The following RAB37 variants were observed in gnomAD, a reference collection of about 807,000 sequenced individuals.
RAB37 encodes the protein RAB37, member RAS oncogene family.
A neutral mutation model predicts 33.1 loss-of-function variants in RAB37; 29 were observed. That is an observed-to-expected ratio of 0.88 (90% confidence interval 0.65 to 1.20). The LOEUF is 1.20. RAB37 is among the 50% of genes most tolerant of loss of function. The pLI, the probability that RAB37 is intolerant of heterozygous loss-of-function variation, is 0.00. For synonymous variants in RAB37, 128 were observed against 119.5 expected, an observed-to-expected ratio of 1.07 and a Z score of -0.47; for missense variants, 299 against 301.1, an observed-to-expected ratio of 0.99 and a Z score of 0.05.
rs2034531322 is a variant in RAB37 at position 74,738,404 on chromosome 17, G to T, written c.93+1039G>T. Among the ~76,000 whole-genome samples the T allele has an allele frequency of 6.6e-6, 1 of 152,194 alleles. No individual in the cohort carries two copies. On this transcript the variant is annotated intron_variant, in intron 1 of 8. Coordinates refer to ENST00000392613, the MANE Select transcript of RAB37 (RefSeq NM_001006638.3). The surrounding 1 kb of genome is among the most constrained non-coding windows in gnomAD (Gnocchi z 5.0). ...GGCTTGTGGCAGGAAATGGGCCCCT[G>T]CACCCTCGGAGAGGAGGAGCTGCTG...
At chr17:74,678,965 G>A (rs1480128324) in intron 1 of RAB37, among the ~76,000 whole-genome samples, 3 of 152,084 alleles carry the variant, frequency 2.0e-5, no homozygotes, top group Non-Finnish European at 2.9e-5. Context: ...ACAAAAATTA[G>A]CTGGGCGTGG....
At chr17:74,721,008 T>A (rs1457975335) in intron 1 of RAB37, among the ~76,000 whole-genome samples, 1 of 152,200 alleles carries the variant, frequency 6.6e-6, no homozygotes, top group Non-Finnish European at 1.5e-5. Context: ...TCTATCCGTA[T>A]GCTCCGATGC....
At chr17:74,695,772 G>T (rs2032397340) in intron 1 of RAB37, 4 of 1,614,096 alleles carry the variant, frequency 2.5e-6, no homozygotes, top group Non-Finnish European at 3.4e-6. Context: ...GCAGAGGAAA[G>T]CTTCGTGGTA....
At chr17:74,727,265 C>T (rs1307679403) in intron 1 of RAB37, among the ~76,000 whole-genome samples, 1 of 152,200 alleles carries the variant, frequency 6.6e-6, no homozygotes, top group Non-Finnish European at 1.5e-5. Flanking sequence ...TTGTGTTAGT[C>T]CCGGTCTTCC....
chr17:74,705,287 C>T, intron 1 of RAB37: 1 of 698,812 alleles, frequency 1.4e-6, no homozygotes, highest in East Asian at 2.7e-5. Context: ...TCCTGGTGGT[C>T]CTAATGATTT....
chr17:74,728,553 C>T (rs2034337354), intron 1 of RAB37, among the ~76,000 whole-genome samples: 1 of 150,678 alleles, frequency 6.6e-6, no homozygotes, highest in Non-Finnish European at 1.5e-5. Flanking sequence ...TGTGTGTGTG[C>T]CTATGTTTCT....
At chr17:74,732,291 C>T (rs2034394142), upstream of RAB37, among the ~76,000 whole-genome samples, 1 of 152,232 alleles carries the variant, frequency 6.6e-6, no homozygotes, top group South Asian at 2.1e-4. Context: ...CCCAGGGGGT[C>T]CATGCGCCAC....
At chr17:74,715,735 C>G (rs1299127746) in intron 1 of RAB37, among the ~76,000 whole-genome samples, 2 of 152,146 alleles carry the variant, frequency 1.3e-5, no homozygotes, top group Non-Finnish European at 2.9e-5. Context: ...GAAACAAGAA[C>G]AGAGAATTCA....
chr17:74,718,618 G>A (rs1275579615), intron 1 of RAB37, among the ~76,000 whole-genome samples: 2 of 152,112 alleles, frequency 1.3e-5, no homozygotes, highest in Non-Finnish European at 2.9e-5. Context: ...CTAAACTTGG[G>A]CATCCCCTTA....
chr17:74,671,762 C>T lies in RAB37; in HGVS notation c.72+104C>T, dbSNP rs2031711827. 4.1e-6 allele frequency: 4 copies of T among 976,270 alleles called. No homozygotes were observed. The highest frequency in any genetic ancestry group is 1.4e-5 in the South Asian group (1 of 73,610). The allele number at this position is 976,270 out of a possible 1,614,324, so 60.5% of individuals were successfully genotyped here. On this transcript the variant is annotated intron_variant, in intron 1 of 7. Coordinates refer to the RAB37 transcript ENST00000340415. This position sits in a 1 kb window ranked among gnomAD's most constrained non-coding sequence, Gnocchi z 5.0. ...GCTTTGGGACTTAATGAGAAACTAG[C>T]TTGTATCTGTGAGTCTGGGGAGCCC...
rs151283815 is a variant in RAB37 at position 74,713,827 on chromosome 17, C to G, written c.73-15429C>G. Among the ~76,000 whole-genome samples the G allele has an allele frequency of 3.1e-3, 407 of 132,586 alleles. 4 individuals carry two copies. Among genetic ancestry groups the G allele is most frequent in the African/African-American group, 0.011 (395 of 35,470 alleles). 87.0% of individuals were successfully genotyped at this position (132,586 alleles called of 152,430 possible). A position where few individuals can be genotyped will look rare whatever the true frequency, so the allele number is the denominator to read the frequency against. On this transcript the variant is annotated intron_variant, in intron 1 of 7. Transcript: ENST00000340415. ...CCTGTAATCTCAGCACTTTAGGAGG[C>G]TGAGGCAGGAAGATCACTTGAGGCC...
chr17:74,675,077 T>C (rs549226338), intron 1 of RAB37, among the ~76,000 whole-genome samples: 4 of 152,338 alleles, frequency 2.6e-5, no homozygotes, highest in Admixed American at 2.6e-4. Flanking sequence ...TGCCTTATTA[T>C]TTTTGAGCAA....
intron 1 of RAB37, among the ~76,000 whole-genome samples, chr17:74,702,195 G>A (rs1236922214): frequency 6.6e-6 from 1 of 152,110 alleles, no homozygotes; most frequent in Non-Finnish European, 1.5e-5. Flanking sequence ...TAAAAACAAA[G>A]TCAAGAGGGC....
chr17:74,743,393 A>C, intron 5 of RAB37, 53 bp downstream of exon 5: 2 of 1,590,902 alleles, frequency 1.3e-6, no homozygotes, highest in Non-Finnish European at 8.6e-7. Flanking sequence ...GGCAAGGTCT[A>C]TGCAGGCTGG....
rs764934628 is a variant in RAB37, at chr17:74,740,791, C to T, written c.117C>T (p.Gly39=). The T allele has an allele frequency of 6.8e-6, 11 of 1,613,902 alleles. No individual in the cohort carries two copies. The highest frequency in any genetic ancestry group is 2.7e-5 in the African/African-American group (2 of 74,924). ...TGKVMLLGDT[G]VGKTCFLIQF... Reference sequence around the variant, plus strand: ...AGGTGATGCTTCTGGGAGACACAGGCGTCGGCAAAACATGTTTCCTGATCC... The same window carrying T: ...AGGTGATGCTTCTGGGAGACACAGGTGTCGGCAAAACATGTTTCCTGATCC... The change falls in exon 2 of 9, where the codon GGC becomes GGT. Residue 39 remains glycine, a synonymous_variant. Coordinates refer to ENST00000392613, the MANE Select transcript of RAB37 (RefSeq NM_001006638.3).
intron 1 of RAB37, among the ~76,000 whole-genome samples, chr17:74,677,022 C>T (rs1486724586): frequency 6.6e-6 from 1 of 151,846 alleles, no homozygotes; most frequent in Admixed American, 6.6e-5. Flanking sequence ...TGGTGGTGCA[C>T]GCCTGAAATC....
chr17:74,727,852 G>C (rs2034324634), intron 1 of RAB37, among the ~76,000 whole-genome samples: 1 of 151,904 alleles, frequency 6.6e-6, no homozygotes, highest in Non-Finnish European at 1.5e-5. Context: ...GTGTTTTTAT[G>C]TGTGTGTGTC....
At chr17:74,711,417 T>C (rs567540770) in intron 1 of RAB37, among the ~76,000 whole-genome samples, 5 of 152,258 alleles carry the variant, frequency 3.3e-5, no homozygotes, top group African/African-American at 1.2e-4. Flanking sequence ...TTTCATAACA[T>C]CTCACCCAAA....
At chr17:74,696,897 C>T (rs1035710790) in intron 1 of RAB37, among the ~76,000 whole-genome samples, 3 of 141,192 alleles carry the variant, frequency 2.1e-5, no homozygotes, top group Admixed American at 1.4e-4. Flanking sequence ...CAGTAGGGAC[C>T]GATTTTGTTT....
Sources: gnomAD v4.1 joint callset for allele counts (sites outside exome capture counted in the v4.1 genomes callset) on GRCh38, gnomAD v4.1.1 for gene constraint, Gnocchi (gnomAD v3.1) non-coding constraint, MANE v1.5 for transcripts, NCBI Gene and HGNC (gene_info 2026-07-23, HGNC 2026-07-21) for gene names.